LSM5: variants seen among roughly 807,000 people sequenced by gnomAD.
LSM5 encodes the protein U6 snRNA-associated Sm-like protein LSm5.
A neutral mutation model predicts 13.8 loss-of-function variants in LSM5; 8 were observed. That is an observed-to-expected ratio of 0.58 (90% CI 0.34 to 1.04). The LOEUF is 1.04. LSM5 is among the 50% of genes least tolerant of loss of function. The pLI, the probability that LSM5 is intolerant of heterozygous loss-of-function variation, is 0.03. For synonymous variants in LSM5, 35 were observed against 37.0 expected, an observed-to-expected ratio of 0.95 and a Z score of 0.20; for missense variants, 80 against 108.1, an observed-to-expected ratio of 0.74 and a Z score of 1.15.
At chr7:32,487,350 C>A in intron 4 of LSM5, 57 bp from the exon 5 acceptor site, 3 of 1,491,364 alleles carry the variant, frequency 2.0e-6, no homozygotes, top group Non-Finnish European at 2.8e-6. Flanking sequence ...CATCTAAAAA[C>A]CCCTTGCTCT....
At chr7:32,489,826 G>A (rs1220998668) in intron 1 of LSM5, among the ~76,000 whole-genome samples, 1 of 152,138 alleles carries the variant, frequency 6.6e-6, no homozygotes, top group African/African-American at 2.4e-5. Flanking sequence ...ATTGAAAAAT[G>A]CCCAGGCACG....
upstream of LSM5, among the ~76,000 whole-genome samples, chr7:32,491,970 A>C (rs1786605423): frequency 6.6e-6 from 1 of 152,238 alleles, no homozygotes; most frequent in Non-Finnish European, 1.5e-5. Context: ...AATATTCTTT[A>C]AATTGATTCT....
chr7:32,490,361 G>C lies in LSM5; in HGVS notation c.5C>G (p.Ala2Gly). The part of the protein sequence containing the change: M[A>G]ANATTNPSQL... ...CGACGGGTTGGTAGTAGCGTTAGCCGCCATGGCTACGCCGGAAGTGGCCTG... is the reference window on the plus strand; with the variant it reads ...CGACGGGTTGGTAGTAGCGTTAGCCCCCATGGCTACGCCGGAAGTGGCCTG... Residue 2 changes from alanine (A) to glycine (G), a missense_variant, in exon 1 of 5, where the codon GCG (alanine) becomes GGG (glycine). By Grantham distance (60) the Ala-to-Gly change is moderately conservative. Transcript: ENST00000450169. 1 of 1,613,020 alleles carries C rather than the reference G, an allele frequency of 6.2e-7. No individual in the cohort carries two copies. The highest frequency in any genetic ancestry group is 1.1e-5 in the South Asian group (1 of 91,054).
At chr7:32,488,515 A>G in intron 3 of LSM5, 110 bp downstream of exon 3, 1 of 772,138 alleles carries the variant, frequency 1.3e-6, no homozygotes, top group South Asian at 1.5e-5. Flanking sequence ...GTCTATCTTT[A>G]ACGTTATTCC....
At chr7:32,492,869 A>G (rs762714578), upstream of LSM5, among the ~76,000 whole-genome samples, 26 of 152,378 alleles carry the variant, frequency 1.7e-4, no homozygotes, top group South Asian at 4.1e-4. Flanking sequence ...AGGCTCTTCC[A>G]TGTATTATAT....
In LSM5 at chr7:32,488,990, G is replaced by A. The variant is rs139754217; in HGVS notation, c.142+259C>T. 7.6e-3 allele frequency among the ~76,000 whole-genome samples: 1,160 copies of A among 152,298 alleles called. 10 individuals carry two copies. Among genetic ancestry groups the A allele is most frequent in the Non-Finnish European group, 0.012 (843 of 68,024 alleles). On this transcript the variant is annotated intron_variant, in intron 2 of 4. Transcript: ENST00000450169. ...TCCACCCACCTCGCCCTCCCAAAGC[G>A]CTGGGATTATAGGCGTGAGCCACTG...
chr7:32,489,252 CAA>C lies in LSM5; in HGVS notation c.137_138del (p.Phe46CysfsTer10). 1 of 1,563,656 alleles carries C rather than the reference CAA, an allele frequency of 6.4e-7. No individual in the cohort carries two copies. The highest frequency in any genetic ancestry group is 8.8e-7 in the Non-Finnish European group (1 of 1,137,510). On this transcript the variant is annotated frameshift_variant, in exon 2 of 5. Coordinates refer to ENST00000450169, the MANE Select transcript of LSM5 (RefSeq NM_012322.3). LOFTEE classifies it high-confidence loss of function. Reference protein sequence around the residue: ...IVGTLLGFDDFVNMVLEDVTE... With the variant: ...IVGTLLGFDDXVNMVLEDVTE... ...CCACCACCTTTTAAAAGGATACTGA[CAA>C]AGTCATCAAATCCTAGAAGAGTACC...
upstream of LSM5, among the ~76,000 whole-genome samples, chr7:32,491,332 G>A (rs1453341307): frequency 6.7e-6 from 1 of 149,496 alleles, no homozygotes; most frequent in East Asian, 2.0e-4. Flanking sequence ...GAGAGGCAGC[G>A]GTTGCAGTGA....
At chr7:32,492,801 T>A (rs1034911231), upstream of LSM5, among the ~76,000 whole-genome samples, 1 of 152,244 alleles carries the variant, frequency 6.6e-6, no homozygotes, top group Admixed American at 6.5e-5. Flanking sequence ...CTTTAAGTCT[T>A]AAGTAGAAGA....
Position 32,487,181 on chromosome 7 carries a change from A to C in LSM5, c.*80T>G. The C allele has an allele frequency of 7.8e-7, 1 of 1,281,106 alleles. No homozygotes were observed. The highest frequency in any genetic ancestry group is 1.2e-5 in the South Asian group (1 of 81,400). The allele number at this position is 1,281,106 out of a possible 1,614,324, so 79.4% of individuals were successfully genotyped here. The stretch of plus-strand genomic sequence containing the variant: ...AAACTTAGCTTTATGGGATTTAAAC[A>C]TTAGAAAGTGGGAAAAAAAATTCCA... On this transcript the variant is annotated 3_prime_UTR_variant, in exon 5 of 5. Coordinates refer to ENST00000450169, the MANE Select transcript of LSM5 (RefSeq NM_012322.3).
rs549592718 is a variant in LSM5, at chr7:32,489,992, C to T, written c.46+328G>A. 1.9e-4 allele frequency: 243 copies of T among 1,278,340 alleles called. 1 individual carries two copies. The African/African-American group carries it at 3.5e-3, about 18-fold the overall frequency. 79.2% of individuals were successfully genotyped at this position (1,278,340 alleles called of 1,614,324 possible). A position where few individuals can be genotyped will look rare whatever the true frequency, so the allele number is the denominator to read the frequency against. Reference sequence around the variant, plus strand: ...AACATGGTCTATCTAATCTGGGGATCGTAAACGCCAGGCTGAGAAGTAGGC... The same window carrying T: ...AACATGGTCTATCTAATCTGGGGATTGTAAACGCCAGGCTGAGAAGTAGGC... On this transcript the variant is annotated intron_variant, in intron 1 of 4. Transcript: ENST00000450169.
chr7:32,491,896 A>G (rs1347574910), upstream of LSM5, among the ~76,000 whole-genome samples: 1 of 152,068 alleles, frequency 6.6e-6, no homozygotes, highest in Non-Finnish European at 1.5e-5. Context: ...ACTTTAAGGA[A>G]GCAATTTCTT....
chr7:32,490,540 A>C, upstream of LSM5: 1 of 621,062 alleles, frequency 1.6e-6, no homozygotes, highest in Non-Finnish European at 3.0e-6. Context: ...ATCCGGTGAA[A>C]TATTTCCTGC....
At position 32,488,719 on chromosome 7, in the gene LSM5, T is replaced by G. The variant is rs1583462904; in HGVS notation, c.143-67A>C. On this transcript the variant is annotated intron_variant, in intron 2 of 4. Transcript: ENST00000450169. ...AGCTTCTGCCTTTGTTCAGCTTTTG[T>G]TTTTTGTTTTTGTTTTTGTTTTGAG... 2.0e-5 allele frequency: 24 copies of G among 1,174,966 alleles called. No individual in the cohort carries two copies. In the East Asian group the frequency reaches 5.6e-4, roughly 28 times the overall value. The allele number at this position is 1,174,966 out of a possible 1,614,324, so 72.8% of individuals were successfully genotyped here.
At chr7:32,495,081 GGAGA>G (rs1386285395), upstream of LSM5, 1 of 152,314 alleles carries the variant, frequency 6.6e-6, no homozygotes, top group Non-Finnish European at 1.5e-5. Context: ...TCGGACACTC[GGAGA>G]GTGAACCGAA....
chr7:32,493,541 CCTTT>C (rs10530877), upstream of LSM5, among the ~76,000 whole-genome samples: 80,256 of 151,372 alleles, frequency 0.53, 22,345 homozygotes, highest in East Asian at 0.67. Flanking sequence ...TCTCTCTCTC[CCTTT>C]CTTTATTTTT....
At chr7:32,487,655 TCAAAATAA>T (rs1562737669) in intron 4 of LSM5, 22 bp downstream of exon 4, 1 of 1,238,936 alleles carries the variant, frequency 8.1e-7, no homozygotes, top group Admixed American at 1.7e-5. Flanking sequence ...TGGGCTCCCA[TCAAAATAA>T]AACAGTTTCA....
chr7:32,493,259 C>T (rs1026301062), upstream of LSM5, among the ~76,000 whole-genome samples: 8 of 152,142 alleles, frequency 5.3e-5, no homozygotes, highest in South Asian at 2.1e-4. Flanking sequence ...ACCACAGGCG[C>T]GTGCTACCAA....
rs978223124 is a variant in LSM5 at position 32,487,693 on chromosome 7, T to C, written c.235A>G (p.Ile79Val). Reference protein sequence around the residue: ...LDQILLNGNNITMLVPGGEGP... With the variant: ...LDQILLNGNNVTMLVPGGEGP... ...GTTTCAATGTGTCTTACCATTGTTATATTATTTCCATTTAGCAAAATCTGA... is the reference window on the plus strand; with the variant it reads ...GTTTCAATGTGTCTTACCATTGTTACATTATTTCCATTTAGCAAAATCTGA... The change falls in exon 4 of 5, where the codon ATA becomes GTA. Residue 79 changes from isoleucine to valine, a missense_variant. By Grantham distance (29) the Ile-to-Val change is conservative. Transcript: ENST00000450169. 6.7e-7 allele frequency: 1 copy of C among 1,502,910 alleles called. No individual in the cohort carries two copies. Among genetic ancestry groups the C allele is most frequent in the South Asian group, 1.1e-5 (1 of 88,820 alleles). The allele number at this position is 1,502,910 out of a possible 1,614,324, so 93.1% of individuals were successfully genotyped here.
Sources: allele counts gnomAD v4.1 joint callset (sites outside exome capture counted in the v4.1 genomes callset), GRCh38; gene constraint gnomAD v4.1.1; transcripts MANE v1.5; gene names NCBI Gene and HGNC (gene_info 2026-07-23, HGNC 2026-07-21).